Variants in SHANK2 observed in about 807,000 individuals in gnomAD.
SHANK2 encodes the protein SH3 and multiple ankyrin repeat domains protein 2.
Under a neutral mutation model 133.7 loss-of-function variants are expected in SHANK2, and 43 were observed. The observed-to-expected ratio is 0.32, with a 90% CI of 0.25 to 0.41. The LOEUF (loss-of-function observed/expected upper bound fraction) is 0.41. SHANK2 is among the 10% of genes least tolerant of loss of function. SHANK2 has a pLI of 1.00. For missense variants in SHANK2, 1,994 were observed against 2,235.8 expected (o/e 0.89, Z 2.18); for synonymous variants, 1,017 against 952.8 (o/e 1.07, Z -1.24).
chr11:70,921,504 G>A (rs1245663950), intron 10 of SHANK2, among the ~76,000 whole-genome samples: 1 of 152,232 alleles, frequency 6.6e-6, no homozygotes, highest in Non-Finnish European at 1.5e-5. Context: ...GGAAGGAGTA[G>A]AAAAATGAAT....
At chr11:70,656,691 T>C (rs552418306) in intron 17 of SHANK2, among the ~76,000 whole-genome samples, 2 of 152,322 alleles carry the variant, frequency 1.3e-5, no homozygotes, top group South Asian at 4.1e-4. Context: ...CATTCACTTA[T>C]CTTTCACGTC....
At chr11:70,663,433 C>T (rs879985120) in intron 15 of SHANK2, among the ~76,000 whole-genome samples, 6 of 152,166 alleles carry the variant, frequency 3.9e-5, no homozygotes, top group Non-Finnish European at 8.8e-5. Flanking sequence ...ACAGATGAGG[C>T]TGGTGAGGCT....
At chr11:71,201,547 G>A (rs983376220) in intron 2 of SHANK2, among the ~76,000 whole-genome samples, 11 of 152,230 alleles carry the variant, frequency 7.2e-5, no homozygotes, top group South Asian at 2.1e-4. Context: ...GCAGGGGCTC[G>A]TGAGTGAGGG....
At chr11:70,887,869 T>C (rs1365258463) in intron 11 of SHANK2, among the ~76,000 whole-genome samples, 1 of 151,682 alleles carries the variant, frequency 6.6e-6, no homozygotes, top group East Asian at 1.9e-4. Flanking sequence ...CAAAGGTGAG[T>C]CTCACCTCCA....
intron 2 of SHANK2, among the ~76,000 whole-genome samples, chr11:71,191,596 GTCA>G (rs1555115450): frequency 7.9e-5 from 12 of 152,104 alleles, no homozygotes; most frequent in African/African-American, 2.4e-4. Flanking sequence ...CACTCTGTCT[GTCA>G]CCCAGACTGG....
chr11:70,758,506 G>A (rs1279669606), intron 14 of SHANK2, among the ~76,000 whole-genome samples: 1 of 152,252 alleles, frequency 6.6e-6, no homozygotes, highest in African/African-American at 2.4e-5. Flanking sequence ...AGTGCCTGGG[G>A]TTGGTCCTAA....
chr11:71,113,489 T>C (rs1172361187), intron 4 of SHANK2, 125 bp from the exon 5 acceptor site: 4 of 813,980 alleles, frequency 4.9e-6, no homozygotes, highest in Non-Finnish European at 8.2e-6. Flanking sequence ...AAACTTCCAG[T>C]TTTAAATAAA....
intron 17 of SHANK2, among the ~76,000 whole-genome samples, chr11:70,510,910 C>T (rs1196318361): frequency 6.6e-6 from 1 of 152,258 alleles, no homozygotes; most frequent in African/African-American, 2.4e-5. Context: ...GCCTCAGAGC[C>T]AGCCCCAACC....
intron 17 of SHANK2, among the ~76,000 whole-genome samples, chr11:70,592,279 G>A (rs1269697723): frequency 6.6e-6 from 1 of 152,154 alleles, no homozygotes; most frequent in African/African-American, 2.4e-5. Context: ...CCAGGGGACA[G>A]CCAGGGCAGG....
intron 1 of SHANK2, among the ~76,000 whole-genome samples, chr11:71,246,300 C>T (rs1954960076): frequency 2.0e-5 from 3 of 152,046 alleles, no homozygotes; most frequent in Admixed American, 1.3e-4. Flanking sequence ...TTGGCCATTC[C>T]CCACCCCCAC....
chr11:70,813,349 A>G (rs1035366764), intron 12 of SHANK2, among the ~76,000 whole-genome samples: 2 of 152,096 alleles, frequency 1.3e-5, no homozygotes, highest in Non-Finnish European at 2.9e-5. Context: ...TGGATGCCAC[A>G]CGGCGCAGTG....
intron 17 of SHANK2, among the ~76,000 whole-genome samples, chr11:70,655,764 G>C (rs570995674): frequency 4.6e-5 from 7 of 152,238 alleles, no homozygotes; most frequent in Admixed American, 1.3e-4. Flanking sequence ...CTTGTGTTTG[G>C]GTCGAGGAGA....
chr11:70,855,925 G>A (rs552609215), intron 11 of SHANK2, among the ~76,000 whole-genome samples: 2 of 152,306 alleles, frequency 1.3e-5, no homozygotes, highest in East Asian at 1.9e-4. Context: ...ATGGATGAAT[G>A]CATGGATAGA....
intron 17 of SHANK2, among the ~76,000 whole-genome samples, chr11:70,653,993 A>C (rs2061372625): frequency 1.3e-5 from 2 of 152,230 alleles, no homozygotes. Flanking sequence ...TAGCATCCTG[A>C]CTTAAATACA....
chr11:70,568,520 T>C (rs1295911321), intron 17 of SHANK2, among the ~76,000 whole-genome samples: 2 of 152,092 alleles, frequency 1.3e-5, no homozygotes, highest in Non-Finnish European at 2.9e-5. Context: ...GGGAACTTAT[T>C]CTTGGTGGAG....
At chr11:70,645,829 G>T (rs1195749716) in intron 17 of SHANK2, among the ~76,000 whole-genome samples, 1 of 151,568 alleles carries the variant, frequency 6.6e-6, no homozygotes, top group Non-Finnish European at 1.5e-5. Flanking sequence ...CCCCTGCCCT[G>T]CCACAGCAGG....
At position 70,787,200 on chromosome 11, in the gene SHANK2, A is replaced by C. The variant is rs376205221; in HGVS notation, c.1777+11243T>G. Among the ~76,000 whole-genome samples, 195 of 85,882 alleles carry C rather than the reference A, an allele frequency of 2.3e-3. 3 individuals are homozygous for C. The highest frequency in any genetic ancestry group is 5.7e-3 in the East Asian group (19 of 3,332). 56.3% of individuals were successfully genotyped at this position (85,882 alleles called of 152,430 possible). On this transcript the variant is annotated intron_variant, in intron 14 of 25. Transcript: ENST00000601538. ...ACCACCACCAACACCAGCATCACCA[A>C]CATCATCACCATGACCACCACCACT...
At chr11:70,597,994 C>G (rs1437345671) in intron 17 of SHANK2, among the ~76,000 whole-genome samples, 1 of 152,230 alleles carries the variant, frequency 6.6e-6, no homozygotes, top group Non-Finnish European at 1.5e-5. Flanking sequence ...AGTCTGACAG[C>G]AGCTCCTGGA....
At chr11:71,159,035 G>T (rs568215943) in intron 2 of SHANK2, among the ~76,000 whole-genome samples, 1 of 152,224 alleles carries the variant, frequency 6.6e-6, no homozygotes, top group South Asian at 2.1e-4. Context: ...CGGGATTCTG[G>T]CTTCTCAATA....
Sources: gnomAD v4.1 joint callset for allele counts (sites outside exome capture counted in the v4.1 genomes callset) on GRCh38, gnomAD v4.1.1 for gene constraint, MANE v1.5 for transcripts, NCBI Gene and HGNC (gene_info 2026-07-23, HGNC 2026-07-21) for gene names.